PCDH15: variants seen among roughly 807,000 people sequenced by gnomAD.
The protein encoded by PCDH15 is protocadherin related 15.
PCDH15 carries 129 observed loss-of-function variants against 178.5 expected under a neutral mutation model. The observed-to-expected ratio is 0.72, with a 90% confidence interval of 0.63 to 0.84. The LOEUF (loss-of-function observed/expected upper bound fraction) is 0.84, where lower values mean the gene tolerates loss of function less well. Among genes scored for constraint, PCDH15 ranks in the 40% least tolerant of loss-of-function variants. The pLI, the probability that PCDH15 is intolerant of heterozygous loss-of-function variation, is 0.00. For synonymous variants in PCDH15, 800 were observed against 732.0 expected, an observed-to-expected ratio of 1.09 and a Z score of -1.50; for missense variants, 2,230 against 2,099.9, an observed-to-expected ratio of 1.06 and a Z score of -1.21.
intron 1 of PCDH15, among the ~76,000 whole-genome samples, chr10:54,671,494 T>C (rs2135508559): frequency 6.6e-6 from 1 of 152,268 alleles, no homozygotes; most frequent in African/African-American, 2.4e-5. Context: ...GCATTCCTAG[T>C]TATGTTGCTT....
At chr10:54,160,992 T>C (rs2045652586) in intron 13 of PCDH15, among the ~76,000 whole-genome samples, 1 of 152,188 alleles carries the variant, frequency 6.6e-6, no homozygotes, top group Admixed American at 6.6e-5. Context: ...ATTTACCATG[T>C]AATCTAGCAC....
At chr10:55,599,663 A>C (rs1843026019) in intron 2 of PCDH15, 1 of 294,968 alleles carries the variant, frequency 3.4e-6, no homozygotes, top group African/African-American at 2.2e-5. Context: ...TTAACAAATG[A>C]TTAATAGACA....
chr10:55,127,265 T>A (rs1282707251), intron 2 of PCDH15, among the ~76,000 whole-genome samples: 1 of 152,120 alleles, frequency 6.6e-6, no homozygotes, highest in African/African-American at 2.4e-5. Flanking sequence ...ATGGCTCAGA[T>A]TAACCACTAC....
intron 2 of PCDH15, among the ~76,000 whole-genome samples, chr10:54,566,325 A>C (rs1219785): frequency 0.94 from 142,809 of 152,182 alleles, 67,351 homozygotes; most frequent in South Asian, 0.99. Context: ...AGTTGATGAA[A>C]CTTCATTTAC....
chr10:53,918,323 C>A (rs1037574862), intron 25 of PCDH15, among the ~76,000 whole-genome samples: 1 of 152,086 alleles, frequency 6.6e-6, no homozygotes, highest in Non-Finnish European at 1.5e-5. Flanking sequence ...AAGAACTAGT[C>A]AACTATTATA....
intron 2 of PCDH15, among the ~76,000 whole-genome samples, chr10:54,977,736 C>G (rs1325859559): frequency 1.3e-5 from 2 of 152,266 alleles, no homozygotes; most frequent in Admixed American, 1.3e-4. Context: ...TGAATTCTTT[C>G]TTGTGCAAGA....
chr10:54,560,993 T>C (rs1173724227), intron 2 of PCDH15, among the ~76,000 whole-genome samples: 1 of 152,146 alleles, frequency 6.6e-6, no homozygotes, highest in Admixed American at 6.6e-5. Context: ...TAAAAATTGT[T>C]TTCTTTTTCA....
At chr10:54,216,044 GAAAAAAAAAA>G (rs10648282) in intron 9 of PCDH15, among the ~76,000 whole-genome samples, 5 of 70,386 alleles carry the variant, frequency 7.1e-5, no homozygotes, top group Admixed American at 2.3e-4. Context: ...CTCCGTCTCA[GAAAAAAAAAA>G]AAAAAAAAAA....
chr10:55,381,259 T>C (rs143057253), intron 2 of PCDH15, among the ~76,000 whole-genome samples: 99 of 152,236 alleles, frequency 6.5e-4, no homozygotes, highest in Middle Eastern at 3.4e-3. Flanking sequence ...TATCAAACAA[T>C]GAGGATGTAG....
In PCDH15 at chr10:53,959,819, C is replaced by G. The variant is rs2134276764; in HGVS notation, c.3035G>C (p.Gly1012Ala). 6.2e-7 allele frequency: 1 copy of G among 1,613,902 alleles called. No homozygotes were observed. The highest frequency in any genetic ancestry group is 8.5e-7 in the Non-Finnish European group (1 of 1,179,924). Residue 1012 changes from glycine to alanine, a missense_variant, in exon 23 of 38, where the codon GGG becomes GCG. Physicochemically the swap from Gly to Ala is moderately conservative, Grantham distance 60. Transcript: ENST00000644397. ...FKLVVVAFDD[G>A]EPVMSSSATV... ...GGCACTGCTGGACATCACAGGCTCC[C>G]CATCATCAAAAGCAACCACCACCAA...
intron 1 of PCDH15, among the ~76,000 whole-genome samples, chr10:54,734,966 T>C (rs566816353): frequency 3.9e-5 from 6 of 152,158 alleles, no homozygotes; most frequent in Middle Eastern, 3.4e-3. Context: ...TACATGTTTG[T>C]CAAATATAAT....
intron 26 of PCDH15, among the ~76,000 whole-genome samples, chr10:53,875,497 A>T (rs10825139): frequency 0.52 from 78,968 of 151,736 alleles, 22,281 homozygotes; most frequent in Middle Eastern, 0.69. Flanking sequence ...TTTTCCACCA[A>T]TTTCTCTATA....
chr10:53,809,521 G>A (rs755526212), intron 37 of PCDH15: 1 of 1,606,392 alleles, frequency 6.2e-7, no homozygotes, highest in East Asian at 2.2e-5. Flanking sequence ...TTCAACCTTT[G>A]GTTTTTTAAT....
chr10:54,939,782 A>G (rs867327531), intron 2 of PCDH15, among the ~76,000 whole-genome samples: 5 of 152,164 alleles, frequency 3.3e-5, no homozygotes, highest in African/African-American at 1.2e-4. Flanking sequence ...TGATTCAGAA[A>G]CAATGCCTTT....
At chr10:54,861,633 G>A (rs1261363167) in intron 3 of PCDH15, among the ~76,000 whole-genome samples, 1 of 152,082 alleles carries the variant, frequency 6.6e-6, no homozygotes, top group Non-Finnish European at 1.5e-5. Context: ...TCAAAGAACT[G>A]AACAACACAA....
At chr10:54,730,521 G>T (rs1036778899) in intron 1 of PCDH15, among the ~76,000 whole-genome samples, 1 of 151,484 alleles carries the variant, frequency 6.6e-6, no homozygotes, top group Non-Finnish European at 1.5e-5. Flanking sequence ...TAGAAAACAT[G>T]CACATGTACC....
At chr10:54,007,873 C>T (rs2135113417) in intron 20 of PCDH15, among the ~76,000 whole-genome samples, 1 of 152,186 alleles carries the variant, frequency 6.6e-6, no homozygotes, top group South Asian at 2.1e-4. Context: ...GAATACCATA[C>T]AATTATGTTA....
chr10:55,288,867 T>TTA (rs1457612160), intron 1 of PCDH15, among the ~76,000 whole-genome samples: 1 of 149,152 alleles, frequency 6.7e-6, no homozygotes, highest in African/African-American at 2.5e-5. Flanking sequence ...TTCAATTCTA[T>TTA]TAGATATATA....
intron 1 of PCDH15, among the ~76,000 whole-genome samples, chr10:54,773,382 A>C (rs1473495427): frequency 6.6e-6 from 1 of 152,202 alleles, no homozygotes; most frequent in Non-Finnish European, 1.5e-5. Context: ...TTATCAGTTC[A>C]TGTGGGATTG....
Sources: gnomAD v4.1 joint callset for allele counts (sites outside exome capture counted in the v4.1 genomes callset) on GRCh38, gnomAD v4.1.1 for gene constraint, MANE v1.5 for transcripts, NCBI Gene and HGNC (gene_info 2026-07-23, HGNC 2026-07-21) for gene names.